The following TTC7B variants were observed in gnomAD, a reference collection of about 807,000 sequenced individuals.
TTC7B encodes tetratricopeptide repeat protein 7B.
In TTC7B, 28 loss-of-function variants were observed where a neutral mutation model predicts 106.8. The observed-to-expected ratio is 0.26, with a 90% confidence interval of 0.19 to 0.36. The LOEUF (loss-of-function observed/expected upper bound fraction) is 0.36, where lower values mean the gene tolerates loss of function less well. Ranked by LOEUF, TTC7B falls within the 10% of genes least tolerant of loss-of-function variation. The pLI, the probability that TTC7B is intolerant of heterozygous loss-of-function variation, is 1.00. For synonymous variants in TTC7B, 405 were observed against 430.6 expected, an observed-to-expected ratio of 0.94 and a Z score of 0.74; for missense variants, 862 against 1,076.4, an observed-to-expected ratio of 0.80 and a Z score of 2.79.
chr14:90,680,596 A>G (rs1887015066), intron 7 of TTC7B, 61 bp from the exon 8 acceptor site: 5 of 1,227,716 alleles, frequency 4.1e-6, no homozygotes, highest in Non-Finnish European at 6.0e-6. Context: ...AAATACAAGC[A>G]GAACTGAACA....
In TTC7B at chr14:90,526,878, C is replaced by T. The variant is rs1425322331; in HGVS notation, c.*14490G>A. 6.6e-6 allele frequency: 1 copy of T among 152,148 alleles called. No homozygotes were observed. Among genetic ancestry groups the T allele is most frequent in the Non-Finnish European group, 1.5e-5 (1 of 68,032 alleles). 9.4% of individuals were successfully genotyped at this position (152,148 alleles called of 1,614,324 possible). On this transcript the variant is annotated 3_prime_UTR_variant, in exon 20 of 20. Coordinates refer to ENST00000328459, the MANE Select transcript of TTC7B (RefSeq NM_001010854.2). ...TCGTTTTCTTTATAAATTACCTAGT[C>T]TCGGGTATGTCTTTATTAGCTGCAT...
intron 19 of TTC7B, 33 bp from the exon 20 acceptor site, chr14:90,541,622 G>T: frequency 6.7e-7 from 1 of 1,498,970 alleles, no homozygotes; most frequent in Non-Finnish European, 9.0e-7. Context: ...GAGACAGTCA[G>T]CCATGGAGGC....
rs1892380975 is a variant in TTC7B, at chr14:90,600,501, A to T, written c.1967-6875T>A. Among the ~76,000 whole-genome samples the T allele has an allele frequency of 6.6e-6, 1 of 152,104 alleles. No homozygotes were observed. Among genetic ancestry groups the T allele is most frequent in the Non-Finnish European group, 1.5e-5 (1 of 68,012 alleles). On this transcript the variant is annotated intron_variant, in intron 17 of 19. Transcript: ENST00000328459. This position sits in a 1 kb window ranked among gnomAD's most constrained non-coding sequence, Gnocchi z 4.3. ...ATTCTAGTAGACACTTCCATTTTTC[A>T]CCAAGTGAAAAAAGGATTAAGACTC...
chr14:90,576,013 A>G (rs1029846984), intron 19 of TTC7B, among the ~76,000 whole-genome samples: 16 of 152,076 alleles, frequency 1.1e-4, no homozygotes, highest in African/African-American at 3.9e-4. Flanking sequence ...TGCTGGGTCA[A>G]CTGCTTGCTC....
At chr14:90,581,881 G>A (rs1379021521) in intron 18 of TTC7B, among the ~76,000 whole-genome samples, 1 of 152,142 alleles carries the variant, frequency 6.6e-6, no homozygotes, top group Admixed American at 6.6e-5. Flanking sequence ...ACGTGATGGG[G>A]AAATGGGAGA....
intron 5 of TTC7B, among the ~76,000 whole-genome samples, chr14:90,727,328 C>T (rs774102919): frequency 6.6e-6 from 1 of 152,176 alleles, no homozygotes; most frequent in African/African-American, 2.4e-5. Context: ...CACAGTGGCA[C>T]AGTGGTGAAA....
intron 3 of TTC7B, among the ~76,000 whole-genome samples, chr14:90,752,683 C>T (rs764243973): frequency 7.2e-5 from 11 of 152,242 alleles, no homozygotes; most frequent in Non-Finnish European, 1.5e-4. Flanking sequence ...CTAATTCCCA[C>T]AGCCACCCTG....
At chr14:90,678,382 A>G (rs759041178) in intron 8 of TTC7B, among the ~76,000 whole-genome samples, 1 of 152,234 alleles carries the variant, frequency 6.6e-6, no homozygotes, top group Non-Finnish European at 1.5e-5. Context: ...AGTACCAACA[A>G]AGAACACAAT....
intron 15 of TTC7B, among the ~76,000 whole-genome samples, chr14:90,633,681 T>C (rs1381424792): frequency 6.6e-6 from 1 of 152,188 alleles, no homozygotes; most frequent in African/African-American, 2.4e-5. Flanking sequence ...TATCACCTGT[T>C]ACCTTCTACC....
chr14:90,670,505 T>TA (rs1282845426), intron 9 of TTC7B, among the ~76,000 whole-genome samples: 2 of 151,828 alleles, frequency 1.3e-5, no homozygotes, highest in African/African-American at 2.4e-5. Flanking sequence ...CATGGCATAT[T>TA]AAAAAAAAAT....
chr14:90,524,947 G>A lies in TTC7B; in HGVS notation c.*16421C>T, dbSNP rs532902370. On this transcript the variant is annotated 3_prime_UTR_variant, in exon 20 of 20. Coordinates refer to ENST00000328459, the MANE Select transcript of TTC7B (RefSeq NM_001010854.2). The stretch of plus-strand genomic sequence containing the variant: ...AGCCTTATGAAGATGTGATTGGCAC[G>A]TAGTAAAGCGCAAGCATTTAAAGTA... 1.4e-4 allele frequency: 21 copies of A among 152,072 alleles called. No homozygotes were observed. Among genetic ancestry groups the A allele is most frequent in the African/African-American group, 4.3e-4 (18 of 41,468 alleles). The allele number at this position is 152,072 out of a possible 1,614,324, so 9.4% of individuals were successfully genotyped here.
chr14:90,644,766 C>T (rs540210785), intron 14 of TTC7B: 2 of 152,382 alleles, frequency 1.3e-5, no homozygotes, highest in East Asian at 3.9e-4. Context: ...TGGACCTCCA[C>T]TAGACATCAA....
At chr14:90,785,617 T>C (rs1272326398) in intron 2 of TTC7B, among the ~76,000 whole-genome samples, 2 of 152,034 alleles carry the variant, frequency 1.3e-5, no homozygotes, top group Admixed American at 1.3e-4. Flanking sequence ...CTGGGTGTAA[T>C]GAGACCGGAA....
In TTC7B at chr14:90,529,990, C is replaced by A. The variant is rs1361266273; in HGVS notation, c.*11378G>T. On this transcript the variant is annotated 3_prime_UTR_variant, in exon 20 of 20. Transcript: ENST00000328459. The stretch of plus-strand genomic sequence containing the variant: ...CATTAAATATCTATACTTGGCTGGG[C>A]GCTGTGGCTCACGCCTGTAAGTAAT... 6.6e-6 allele frequency: 1 copy of A among 152,136 alleles called. No individual in the cohort carries two copies. The highest frequency in any genetic ancestry group is 1.5e-5 in the Non-Finnish European group (1 of 68,030). 9.4% of individuals were successfully genotyped at this position (152,136 alleles called of 1,614,324 possible). A position where few individuals can be genotyped will look rare whatever the true frequency, so the allele number is the denominator to read the frequency against.
intron 5 of TTC7B, among the ~76,000 whole-genome samples, chr14:90,718,569 A>G (rs1407290417): frequency 6.6e-6 from 1 of 152,114 alleles, no homozygotes; most frequent in African/African-American, 2.4e-5. Flanking sequence ...CTCCCGCTTT[A>G]CCACAAAGAA....
intron 5 of TTC7B, among the ~76,000 whole-genome samples, chr14:90,729,003 G>C (rs1237574751): frequency 6.6e-6 from 1 of 152,238 alleles, no homozygotes; most frequent in African/African-American, 2.4e-5. Flanking sequence ...ATCAGTGGCA[G>C]ATGAGATCGA....
chr14:90,651,843 C>T (rs1003363713), intron 13 of TTC7B, among the ~76,000 whole-genome samples: 4 of 152,188 alleles, frequency 2.6e-5, no homozygotes, highest in African/African-American at 7.2e-5. Context: ...CATACGGACA[C>T]CATGATAAAT....
intron 18 of TTC7B, among the ~76,000 whole-genome samples, chr14:90,580,743 A>C (rs1429069788): frequency 6.6e-6 from 1 of 152,084 alleles, no homozygotes; most frequent in Non-Finnish European, 1.5e-5. Context: ...GAGCTCTCTG[A>C]CCACCCGCCT....
chr14:90,760,620 G>A (rs902263119), intron 3 of TTC7B, among the ~76,000 whole-genome samples: 1 of 152,184 alleles, frequency 6.6e-6, no homozygotes, highest in Admixed American at 6.5e-5. Context: ...GTAAACCCCA[G>A]GGGAAAGCTC....
Sources: allele counts gnomAD v4.1 joint callset (sites outside exome capture counted in the v4.1 genomes callset), GRCh38; gene constraint gnomAD v4.1.1; non-coding constraint Gnocchi (gnomAD v3.1); transcripts MANE v1.5; gene names NCBI Gene and HGNC (gene_info 2026-07-23, HGNC 2026-07-21).